The following POLI variants were observed in gnomAD, a reference collection of about 807,000 sequenced individuals.
The protein encoded by POLI is RAD30 homolog B.
In POLI, 58 loss-of-function variants were observed where a neutral mutation model predicts 51.6. The ratio of observed to expected loss-of-function variants is 1.12; its 90% confidence interval spans 0.91 to 1.40. The LOEUF (loss-of-function observed/expected upper bound fraction) is 1.40, where lower values mean the gene tolerates loss of function less well. POLI is among the 40% of genes most tolerant of loss of function. The pLI is 0.00. For synonymous variants in POLI, 322 were observed against 299.7 expected, an observed-to-expected ratio of 1.07 and a Z score of -0.77; for missense variants, 921 against 871.3, an observed-to-expected ratio of 1.06 and a Z score of -0.72.
rs761963428 is a variant in POLI, at chr18:54,273,911, A to C, written c.242-15A>C. The C allele has an allele frequency of 2.7e-6, 4 of 1,460,434 alleles. No homozygotes were observed. The African/African-American group carries it at 4.3e-5, about 16-fold the overall frequency. 90.5% of individuals were successfully genotyped at this position (1,460,434 alleles called of 1,614,324 possible). On this transcript the variant is annotated splice_polypyrimidine_tract_variant and intron_variant, in intron 2 of 9. Transcript: ENST00000579534. ...TTCAATTGTGCTTGGGTTTCTCATA[A>C]AATATTTTTTACAGGGGTTCAACAG... is the stretch of plus-strand genomic sequence containing the variant.
chr18:54,293,799 C>G lies in POLI; in HGVS notation c.1555C>G (p.Pro519Ala). Reference protein sequence around the residue: ...FSKEKDINEFPLCSLPEGVDQ... With the variant: ...FSKEKDINEFALCSLPEGVDQ... Reference sequence around the variant, plus strand: ...TAAAGAAAAAGACATTAATGAATTCCCACTCTGTTCACTTCCTGAAGGTGT... The same window carrying G: ...TAAAGAAAAAGACATTAATGAATTCGCACTCTGTTCACTTCCTGAAGGTGT... The change falls in exon 10 of 10, where the codon CCA becomes GCA. Residue 519 changes from proline (P) to alanine (A), a missense_variant. Transcript: ENST00000579534. The G allele has an allele frequency of 6.2e-7, 1 of 1,607,450 alleles. No individual in the cohort carries two copies. Among genetic ancestry groups the G allele is most frequent in the Non-Finnish European group, 8.5e-7 (1 of 1,176,378 alleles).
chr18:54,296,954 T>C lies in POLI; in HGVS notation c.*2487T>C. 1.0e-6 allele frequency: 1 copy of C among 982,374 alleles called. No homozygotes were observed. The highest frequency in any genetic ancestry group is 1.2e-6 in the Non-Finnish European group (1 of 827,130). 60.9% of individuals were successfully genotyped at this position (982,374 alleles called of 1,614,324 possible). On this transcript the variant is annotated 3_prime_UTR_variant, in exon 10 of 10. Transcript: ENST00000579534. ...TTGCATATCATTGTGACTTATTTCC[T>C]TGAGTATGTGTTAATCTGCGAGAAG...
At chr18:54,309,136 G>A (rs2088633343) in intron 3 of POLI, among the ~76,000 whole-genome samples, 2 of 152,210 alleles carry the variant, frequency 1.3e-5, no homozygotes, top group Non-Finnish European at 2.9e-5. Flanking sequence ...CTGGCAAGGA[G>A]CTGTGATACT....
Position 54,283,969 on chromosome 18 carries a change from A to G in POLI, c.1023A>G (p.Glu341=). 6.7e-7 allele frequency: 1 copy of G among 1,489,202 alleles called. No homozygotes were observed. Among genetic ancestry groups the G allele is most frequent in the Non-Finnish European group, 9.3e-7 (1 of 1,075,578 alleles). The allele number at this position is 1,489,202 out of a possible 1,614,324, so 92.2% of individuals were successfully genotyped here. Residue 341 remains glutamate, a synonymous_variant, in exon 7 of 10, where the codon GAA becomes GAG. Coordinates refer to ENST00000579534, the MANE Select transcript of POLI (RefSeq NM_007195.3). ...TTAAAAAATGTTCATCTGAAGTTGA[A>G]GCTAAAAATAAGATTGAAGAACTAC... ...DSFKKCSSEV[E]AKNKIEELLA...
At chr18:54,271,133 T>C (rs2086985626) in intron 1 of POLI, 3 of 355,084 alleles carry the variant, frequency 8.4e-6, no homozygotes, top group African/African-American at 2.3e-5. Context: ...AACTTATTAC[T>C]ATCCTGAGAA....
At chr18:54,298,807 T>G (rs1372067655), downstream of POLI, among the ~76,000 whole-genome samples, 1 of 151,976 alleles carries the variant, frequency 6.6e-6, no homozygotes, top group Non-Finnish European at 1.5e-5. Flanking sequence ...CAGGCTGATC[T>G]TGAACTCCTG....
At position 54,294,326 on chromosome 18, in the gene POLI, G is replaced by A. The variant is rs773237297; in HGVS notation, c.2082G>A (p.Glu694=). ...ATGAAGGACTTACAGAAAATAGAGA[G>A]CCAGATTCTGTTGATGAGAAAATTA... ...DSHEGLTENR[E]PDSVDEKITF... is the part of the protein sequence containing the mutation. The change falls in exon 10 of 10, where the codon GAG becomes GAA. Residue 694 remains glutamate (E), a synonymous_variant. Coordinates refer to ENST00000579534, the MANE Select transcript of POLI (RefSeq NM_007195.3). 4 of 1,613,294 alleles carry A rather than the reference G, an allele frequency of 2.5e-6. No individual in the cohort carries two copies. In the East Asian group the frequency reaches 8.9e-5, roughly 36 times the overall value.
At chr18:54,274,687 A>G (rs1215741065) in intron 3 of POLI, among the ~76,000 whole-genome samples, 1 of 152,142 alleles carries the variant, frequency 6.6e-6, no homozygotes, top group African/African-American at 2.4e-5. Flanking sequence ...CACATTGCAA[A>G]TATAGTAGGT....
rs1359154544 is a variant in POLI, at chr18:54,269,653, G to A, written c.107G>A (p.Ser36Asn). The A allele has an allele frequency of 2.0e-6, 3 of 1,506,410 alleles. No homozygotes were observed. Among genetic ancestry groups the A allele is most frequent in the Non-Finnish European group, 2.7e-6 (3 of 1,131,138 alleles). 93.3% of individuals were successfully genotyped at this position (1,506,410 alleles called of 1,614,324 possible). ...CTGGCGGACGTGGGGGCGGCAGCCAGCTCGCAGGGTGCGCCGCAGCCAGAG... is the reference window on the plus strand; with the variant it reads ...CTGGCGGACGTGGGGGCGGCAGCCAACTCGCAGGGTGCGCCGCAGCCAGAG... The part of the protein sequence containing the change: ...MELADVGAAA[S>N]SQGVHDQVLP... Residue 36 changes from serine (S) to asparagine (N), a missense_variant, in exon 1 of 10, where the codon AGC (serine) becomes AAC (asparagine). Transcript: ENST00000579534.
At position 54,294,110 on chromosome 18, in the gene POLI, A is replaced by G. The variant is rs759052222; in HGVS notation, c.1866A>G (p.Ser622=). The G allele has an allele frequency of 3.7e-6, 6 of 1,607,760 alleles. No individual in the cohort carries two copies. The highest frequency in any genetic ancestry group is 1.1e-5 in the South Asian group (1 of 90,858). ...ACATGTCTAGCCAAAAGGATTATTC[A>G]TATTATTTAGATAATAGATTAAAAG... The part of the protein sequence containing the change: ...SSYMSSQKDY[S]YYLDNRLKDE... The change falls in exon 10 of 10, where the codon TCA becomes TCG. Residue 622 remains serine, a synonymous_variant. Coordinates refer to ENST00000579534, the MANE Select transcript of POLI (RefSeq NM_007195.3).
chr18:54,282,762 A>C, intron 5 of POLI, 75 bp from the exon 6 acceptor site: 1 of 781,598 alleles, frequency 1.3e-6, no homozygotes, highest in Non-Finnish European at 2.0e-6. Context: ...AGATTGATAT[A>C]TTTATAATAT....
intron 3 of POLI, among the ~76,000 whole-genome samples, chr18:54,276,212 TAA>T (rs572325782): frequency 3.5e-5 from 5 of 143,018 alleles, no homozygotes; most frequent in Admixed American, 7.0e-5. Context: ...CTACAAAAGT[TAA>T]AAAAAAAAAA....
In POLI at chr18:54,294,871, C is replaced by A. The variant is rs2088234808; in HGVS notation, c.*404C>A. 1 of 982,732 alleles carries A rather than the reference C, an allele frequency of 1.0e-6. No homozygotes were observed. The highest frequency in any genetic ancestry group is 1.2e-6 in the Non-Finnish European group (1 of 828,878). 60.9% of individuals were successfully genotyped at this position (982,732 alleles called of 1,614,324 possible). On this transcript the variant is annotated 3_prime_UTR_variant, in exon 10 of 10. Transcript: ENST00000579534. ...AATATCTCAAATTCAGCCTCTTAGG[C>A]TGAATAGCAAATCCTACTGCCAACT...
Position 54,293,892 on chromosome 18 carries a change from G to A in POLI, c.1648G>A (p.Glu550Lys). The A allele has an allele frequency of 6.2e-7, 1 of 1,613,116 alleles. No individual in the cohort carries two copies. The highest frequency in any genetic ancestry group is 8.5e-7 in the Non-Finnish European group (1 of 1,179,444). ...AGAAATCCTTTCTGGAAAATCTAGG[G>A]AAAAATTTCAAGGGAAAGGAAGTGT... is the stretch of plus-strand genomic sequence containing the variant. ...QEEILSGKSREKFQGKGSVSC... is the reference protein window; with the variant it reads ...QEEILSGKSRKKFQGKGSVSC... Residue 550 changes from glutamate to lysine, a missense_variant, in exon 10 of 10, where the codon GAA becomes AAA. Physicochemically the swap from Glu to Lys is moderately conservative, Grantham distance 56. Transcript: ENST00000579534.
chr18:54,304,905 T>G (rs1221834615), intron 3 of POLI, among the ~76,000 whole-genome samples: 3 of 152,244 alleles, frequency 2.0e-5, no homozygotes, highest in Non-Finnish European at 4.4e-5. Context: ...GTCTAACATT[T>G]AAGTCTTTAA....
intron 3 of POLI, among the ~76,000 whole-genome samples, chr18:54,275,593 A>G (rs1281354480): frequency 2.0e-5 from 3 of 152,202 alleles, no homozygotes; most frequent in Non-Finnish European, 4.4e-5. Context: ...CAAATGTGTA[A>G]AATTATGGCC....
chr18:54,294,782 G>A lies in POLI; in HGVS notation c.*315G>A. On this transcript the variant is annotated 3_prime_UTR_variant, in exon 10 of 10. Transcript: ENST00000579534. ...TGTATATGTTTATATATAAAAAATAGCCAAATCGTTGCAATGATATGGTAA... is the reference window on the plus strand; with the variant it reads ...TGTATATGTTTATATATAAAAAATAACCAAATCGTTGCAATGATATGGTAA... 2 of 984,126 alleles carry A rather than the reference G, an allele frequency of 2.0e-6. No individual in the cohort carries two copies. Among genetic ancestry groups the A allele is most frequent in the South Asian group, 9.4e-5 (2 of 21,186 alleles). The allele number at this position is 984,126 out of a possible 1,614,324, so 61.0% of individuals were successfully genotyped here.
intron 3 of POLI, chr18:54,274,761 A>G (rs1568119414): frequency 6.6e-6 from 1 of 152,152 alleles, no homozygotes; most frequent in Non-Finnish European, 1.5e-5. Flanking sequence ...ATTACTTAAT[A>G]TATAGTGTAA....
At position 54,283,941 on chromosome 18, in the gene POLI, C is replaced by G. The variant is rs939067012; in HGVS notation, c.995C>G (p.Ser332Ter). Reference sequence around the variant, plus strand: ...TGATAGTCCTTTAGTGAAGAAGATTCATTTAAAAAATGTTCATCTGAAGTT... The same window carrying G: ...TGATAGTCCTTTAGTGAAGAAGATTGATTTAAAAAATGTTCATCTGAAGTT... ...GPPQSFSEED[S>*]FKKCSSEVEA... The change falls in exon 7 of 10, where the codon TCA becomes TGA. Residue 332 changes from serine (S) to a stop codon, truncating the protein, a stop_gained. Coordinates refer to ENST00000579534, the MANE Select transcript of POLI (RefSeq NM_007195.3). LOFTEE classifies it high-confidence loss of function. 6 of 1,381,978 alleles carry G rather than the reference C, an allele frequency of 4.3e-6. No homozygotes were observed. Among genetic ancestry groups the G allele is most frequent in the Admixed American group, 3.6e-5 (2 of 54,816 alleles). 85.6% of individuals were successfully genotyped at this position (1,381,978 alleles called of 1,614,324 possible).
Sources: allele counts gnomAD v4.1 joint callset (sites outside exome capture counted in the v4.1 genomes callset), GRCh38; gene constraint gnomAD v4.1.1; transcripts MANE v1.5; gene names NCBI Gene and HGNC (gene_info 2026-07-23, HGNC 2026-07-21).